The following C2orf76 variants were observed in gnomAD, a reference collection of about 807,000 sequenced individuals.
C2orf76 encodes UPF0538 protein C2orf76.
A neutral mutation model predicts 16.9 loss-of-function variants in C2orf76; 23 were observed. The ratio of observed to expected loss-of-function variants is 1.36; its 90% confidence interval spans 0.98 to 1.93. The LOEUF (loss-of-function observed/expected upper bound fraction) is 1.93, where lower values mean the gene tolerates loss of function less well. Ranked by LOEUF, C2orf76 falls within the 30% of genes most tolerant of loss-of-function variation. The pLI is 0.00. For synonymous variants in C2orf76, 48 were observed against 52.3 expected, an observed-to-expected ratio of 0.92 and a Z score of 0.35; for missense variants, 152 against 152.6, an observed-to-expected ratio of 1.00 and a Z score of 0.02.
chr2:119,366,330 A>G (rs927109504), intron 1 of C2orf76: 6 of 431,600 alleles, frequency 1.4e-5, no homozygotes, highest in Non-Finnish European at 2.4e-5. Context: ...CAAGACAAAT[A>G]AGACACCGTC....
At chr2:119,287,430 G>A in the C2orf76 span, among the ~76,000 whole-genome samples, 34,105 of 151,830 alleles carry the variant, frequency 0.22, 4,137 homozygotes, top group Middle Eastern at 0.33. Flanking sequence ...CACACCGCCC[G>A]AGACCCTCTC....
intron 1 of C2orf76, among the ~76,000 whole-genome samples, chr2:119,357,440 C>A (rs10194883): frequency 1.3e-5 from 2 of 151,810 alleles, no homozygotes; most frequent in Admixed American, 1.3e-4. Flanking sequence ...AAATTAACAA[C>A]CTAAAGAAAA....
chr2:119,323,366 T>C (rs1235851231), intron 2 of C2orf76, among the ~76,000 whole-genome samples: 1 of 152,108 alleles, frequency 6.6e-6, no homozygotes, highest in East Asian at 1.9e-4. Flanking sequence ...CAAATACGTA[T>C]CAAATTAAAA....
chr2:119,282,818 A>T, the C2orf76 span, among the ~76,000 whole-genome samples: 1,587 of 152,322 alleles, frequency 0.01, 22 homozygotes, highest in African/African-American at 0.035. Flanking sequence ...TCCAAATGTC[A>T]TAATACTGAG....
intron 2 of C2orf76, among the ~76,000 whole-genome samples, chr2:119,334,027 A>AG (rs1679758995): frequency 2.0e-5 from 3 of 151,912 alleles, no homozygotes; most frequent in African/African-American, 7.3e-5. Context: ...TCCGAGGCTC[A>AG]AGTGATTTTC....
At chr2:119,349,107 C>T (rs1680300066) in intron 1 of C2orf76, among the ~76,000 whole-genome samples, 1 of 152,200 alleles carries the variant, frequency 6.6e-6, no homozygotes, top group Non-Finnish European at 1.5e-5. Context: ...AAAGCCTTTA[C>T]CAAAACATTA....
chr2:119,283,801 A>C, the C2orf76 span, among the ~76,000 whole-genome samples: 1 of 152,030 alleles, frequency 6.6e-6, no homozygotes, highest in Non-Finnish European at 1.5e-5. Context: ...AATGACCCAA[A>C]CTTGAGGATT....
At chr2:119,338,240 C>T (rs1478208995) in intron 2 of C2orf76, among the ~76,000 whole-genome samples, 2 of 152,136 alleles carry the variant, frequency 1.3e-5, no homozygotes, top group Non-Finnish European at 2.9e-5. Flanking sequence ...CTCGGCCCTC[C>T]GTTTGCCTAA....
chr2:119,318,292 A>G (rs1023498467), intron 3 of C2orf76, among the ~76,000 whole-genome samples: 9 of 152,244 alleles, frequency 5.9e-5, no homozygotes, highest in Non-Finnish European at 1.2e-4. Flanking sequence ...CATTTAATGA[A>G]TGCATTATGA....
chr2:119,292,315 C>A, the C2orf76 span, among the ~76,000 whole-genome samples: 1 of 152,122 alleles, frequency 6.6e-6, no homozygotes, highest in African/African-American at 2.4e-5. Flanking sequence ...ATCTAGGACA[C>A]TTATCTTGCC....
At chr2:119,366,689 C>T (rs1681018270) in intron 1 of C2orf76, 101 bp downstream of exon 1, 1 of 480,828 alleles carries the variant, frequency 2.1e-6, no homozygotes, top group Non-Finnish European at 3.8e-6. Context: ...CCGTCCCCTC[C>T]CCTTCCCCCG....
intron 2 of C2orf76, among the ~76,000 whole-genome samples, chr2:119,339,485 G>C (rs1448353284): frequency 6.6e-6 from 1 of 151,776 alleles, no homozygotes. Context: ...TGCTCAGCTG[G>C]GTACCACAAT....
At position 119,339,885 on chromosome 2, in the gene C2orf76, C is replaced by A; in HGVS notation, c.75G>T (p.Val25=). Residue 25 remains valine (V), a synonymous_variant, in exon 2 of 6, where the codon GTG becomes GTT. Transcript: ENST00000334816. ...TTTGGTCCAAATTCACTCCGTGATA[C>A]ACTACAGGTTTGAAATTGCGATGTT... ...SFEHRNFKPV[V]YHGVNLDQTV... 6.2e-7 allele frequency: 1 copy of A among 1,612,912 alleles called. No homozygotes were observed. The highest frequency in any genetic ancestry group is 8.5e-7 in the Non-Finnish European group (1 of 1,178,938).
intron 3 of C2orf76, among the ~76,000 whole-genome samples, chr2:119,319,714 G>T (rs1425927131): frequency 1.3e-5 from 2 of 152,128 alleles, no homozygotes; most frequent in African/African-American, 4.8e-5. Flanking sequence ...GATATCTCAG[G>T]CTCTTGGTGG....
At chr2:119,289,230 G>C in the C2orf76 span, among the ~76,000 whole-genome samples, 2 of 152,010 alleles carry the variant, frequency 1.3e-5, no homozygotes, top group Non-Finnish European at 2.9e-5. Flanking sequence ...TATGTCAGGA[G>C]GTCTCATGCA....
intron 1 of C2orf76, among the ~76,000 whole-genome samples, chr2:119,365,768 G>A (rs1680944295): frequency 6.6e-6 from 1 of 152,152 alleles, no homozygotes; most frequent in African/African-American, 2.4e-5. Context: ...CCAGACACCT[G>A]TGCTGCTCCT....
the C2orf76 span, among the ~76,000 whole-genome samples, chr2:119,289,451 G>A: frequency 6.6e-6 from 1 of 152,026 alleles, no homozygotes; most frequent in Non-Finnish European, 1.5e-5. Context: ...ACTTTGGGAG[G>A]CTGACGTGGG....
rs193255372 is a variant in C2orf76 at position 119,360,458 on chromosome 2, C to T, written c.-13+6332G>A. On this transcript the variant is annotated intron_variant, in intron 1 of 5. Transcript: ENST00000334816. Reference sequence around the variant, plus strand: ...CACCATTGCACTCCAGCCTGGGCAACGAGAGCAAAACTCTGTCTCAAAAAA... The same window carrying T: ...CACCATTGCACTCCAGCCTGGGCAATGAGAGCAAAACTCTGTCTCAAAAAA... 8.7e-3 allele frequency among the ~76,000 whole-genome samples: 1,044 copies of T among 119,574 alleles called. 7 individuals carry two copies. The highest frequency in any genetic ancestry group is 0.016 in the Middle Eastern group (2 of 128). The allele number at this position is 119,574 out of a possible 152,430, so 78.4% of individuals were successfully genotyped here. A position where few individuals can be genotyped will look rare whatever the true frequency, so the allele number is the denominator to read the frequency against.
chr2:119,286,347 G>A, the C2orf76 span, among the ~76,000 whole-genome samples: 1 of 152,110 alleles, frequency 6.6e-6, no homozygotes, highest in Non-Finnish European at 1.5e-5. Flanking sequence ...GAAGTGCTGG[G>A]AAGGTGGGAT....
Sources: gnomAD v4.1 joint callset for allele counts (sites outside exome capture counted in the v4.1 genomes callset) on GRCh38, gnomAD v4.1.1 for gene constraint, MANE v1.5 for transcripts, NCBI Gene and HGNC (gene_info 2026-07-23, HGNC 2026-07-21) for gene names.